The following CREB1 variants were observed in gnomAD, a reference collection of about 807,000 sequenced individuals.
The protein encoded by CREB1 is cAMP responsive element binding protein 1.
CREB1 carries 2 observed loss-of-function variants against 42.0 expected under a neutral mutation model. That is an observed-to-expected ratio of 0.05 (90% CI 0.02 to 0.15). The LOEUF is 0.15. Ranked by LOEUF, CREB1 falls within the 10% of genes least tolerant of loss-of-function variation. CREB1 has a pLI of 1.00. For missense variants in CREB1, 199 were observed against 388.9 expected (o/e 0.51, Z 4.11); for synonymous variants, 123 against 139.9 (o/e 0.88, Z 0.85).
intron 1 of CREB1, among the ~76,000 whole-genome samples, chr2:207,552,042 CAAAAAA>C (rs71036931): frequency 5.7e-5 from 4 of 69,932 alleles, no homozygotes; most frequent in African/African-American, 1.2e-4. Context: ...AACTCCGTCT[CAAAAAA>C]AAAAAAAAAA....
At chr2:207,558,706 G>A (rs556474733) in intron 2 of CREB1, among the ~76,000 whole-genome samples, 11 of 149,742 alleles carry the variant, frequency 7.3e-5, no homozygotes, top group Non-Finnish European at 1.3e-4. Flanking sequence ...GTGCAATGGC[G>A]CGATCTCGGC....
At chr2:207,541,547 G>T (rs1251685254) in intron 1 of CREB1, among the ~76,000 whole-genome samples, 1 of 152,080 alleles carries the variant, frequency 6.6e-6, no homozygotes, top group African/African-American at 2.4e-5. Context: ...TACATAGTAG[G>T]CTATACCATC....
intron 7 of CREB1, chr2:207,580,745 A>T (rs1046663949): frequency 3.1e-5 from 7 of 224,656 alleles, no homozygotes; most frequent in African/African-American, 1.3e-4. Context: ...ACAACCACGA[A>T]TCTCAGTGTC....
At chr2:207,545,529 T>A (rs946818999) in intron 1 of CREB1, among the ~76,000 whole-genome samples, 1 of 151,840 alleles carries the variant, frequency 6.6e-6, no homozygotes, top group African/African-American at 2.4e-5. Context: ...AAGGTTCTTA[T>A]ATGTTTTATG....
intron 7 of CREB1, among the ~76,000 whole-genome samples, chr2:207,590,394 A>T (rs1201809464): frequency 6.0e-5 from 9 of 151,046 alleles, no homozygotes; most frequent in Non-Finnish European, 1.3e-4. Context: ...AATTTTGTTG[A>T]TTGTTTTTAA....
intron 1 of CREB1, among the ~76,000 whole-genome samples, chr2:207,541,356 G>A (rs982739395): frequency 4.6e-5 from 7 of 152,094 alleles, no homozygotes; most frequent in Admixed American, 1.3e-4. Context: ...TTTGTGATAA[G>A]CACCCTGTAC....
rs538715239 is a variant in CREB1 at position 207,532,001 on chromosome 2, T to C, written c.-9+1867T>C. ...AATTATAGTATTGATAATGGTAGCT[T>C]ACCATTTTTCCTTTATGTTGTTCCG... On this transcript the variant is annotated intron_variant, in intron 1 of 7. Transcript: ENST00000353267. Among the ~76,000 whole-genome samples, 5 of 152,320 alleles carry C rather than the reference T, an allele frequency of 3.3e-5. No homozygotes were observed. In the South Asian group the frequency reaches 8.3e-4, roughly 25 times the overall value.
At chr2:207,560,095 T>G (rs1168555363) in intron 2 of CREB1, 131 bp from the exon 3 acceptor site, 4 of 734,106 alleles carry the variant, frequency 5.4e-6, no homozygotes, top group Non-Finnish European at 8.4e-6. Flanking sequence ...TAGTCATTAC[T>G]TTCATATCAG....
chr2:207,551,760 C>A (rs1410074183), intron 1 of CREB1, among the ~76,000 whole-genome samples: 1 of 151,842 alleles, frequency 6.6e-6, no homozygotes, highest in African/African-American at 2.4e-5. Flanking sequence ...AGACATTTTT[C>A]GGCTGGGCAC....
intron 7 of CREB1, among the ~76,000 whole-genome samples, chr2:207,590,333 C>T (rs1317116633): frequency 6.6e-6 from 1 of 151,712 alleles, no homozygotes; most frequent in Non-Finnish European, 1.5e-5. Context: ...GTATTCGCCA[C>T]CCCTACCCCA....
chr2:207,546,322 C>T (rs749487306), intron 1 of CREB1, among the ~76,000 whole-genome samples: 7 of 152,078 alleles, frequency 4.6e-5, no homozygotes, highest in African/African-American at 9.7e-5. Context: ...TTATCAAAAC[C>T]GTACATAAAG....
chr2:207,566,032 T>C (rs1559288738), intron 3 of CREB1, among the ~76,000 whole-genome samples: 1 of 152,216 alleles, frequency 6.6e-6, no homozygotes, highest in African/African-American at 2.4e-5. Context: ...TACTCATCTT[T>C]TTATCTGTCA....
intron 7 of CREB1, among the ~76,000 whole-genome samples, chr2:207,585,509 A>G (rs925481326): frequency 2.6e-5 from 4 of 152,210 alleles, no homozygotes; most frequent in Non-Finnish European, 4.4e-5. Context: ...TAAGGACACA[A>G]GAAACATAAA....
At chr2:207,530,559 G>A (rs1221112656) in intron 1 of CREB1, among the ~76,000 whole-genome samples, 4 of 145,776 alleles carry the variant, frequency 2.7e-5, no homozygotes, top group Admixed American at 6.8e-5. Context: ...GCCCGGCGCT[G>A]CCCCCCGCGC....
At chr2:207,575,941 C>T (rs986945301) in intron 6 of CREB1, among the ~76,000 whole-genome samples, 1 of 54,452 alleles carries the variant, frequency 1.8e-5, no homozygotes, top group Non-Finnish European at 5.3e-5. Flanking sequence ...GCTTCCCCCC[C>T]CCCCCCCAAA....
intron 2 of CREB1, chr2:207,559,207 G>A: frequency 1.7e-6 from 1 of 596,162 alleles, no homozygotes; most frequent in South Asian, 7.4e-5. Context: ...GTTTCTCTTT[G>A]CTTTTGCCAC....
At chr2:207,558,239 A>G (rs1476948767) in intron 2 of CREB1, among the ~76,000 whole-genome samples, 1 of 152,212 alleles carries the variant, frequency 6.6e-6, no homozygotes, top group Non-Finnish European at 1.5e-5. Flanking sequence ...CCCAGGCTTC[A>G]CAGTCACATA....
intron 1 of CREB1, among the ~76,000 whole-genome samples, chr2:207,553,062 C>CTTTTTTTTTTTTTTTTTTTTTTTTTTTTT: frequency 1.6e-5 from 1 of 63,188 alleles, no homozygotes; most frequent in Non-Finnish European, 3.0e-5. Flanking sequence ...TACAGGTAGA[C>CTTTTTTTTTTTTTTTTTTTTTTTTTTTTT]TTTTTTTTTT....
chr2:207,543,596 AATTTT>A (rs1400345520), intron 1 of CREB1, among the ~76,000 whole-genome samples: 3 of 151,686 alleles, frequency 2.0e-5, no homozygotes, highest in Non-Finnish European at 4.4e-5. Context: ...AATGGTTATT[AATTTT>A]ATTTATTTAT....
Sources: allele counts gnomAD v4.1 joint callset (sites outside exome capture counted in the v4.1 genomes callset), GRCh38; gene constraint gnomAD v4.1.1; transcripts MANE v1.5; gene names NCBI Gene and HGNC (gene_info 2026-07-23, HGNC 2026-07-21).